ARID1A: variants seen among roughly 807,000 people sequenced by gnomAD.
ARID1A encodes the protein AT-rich interactive domain-containing protein 1A.
A neutral mutation model predicts 212.6 loss-of-function variants in ARID1A; 20 were observed. That is an observed-to-expected ratio of 0.09 (90% CI 0.07 to 0.14). The LOEUF (loss-of-function observed/expected upper bound fraction) is 0.14, where lower values mean the gene tolerates loss of function less well. Among genes scored for constraint, ARID1A ranks in the 10% least tolerant of loss-of-function variants. The probability of loss-of-function intolerance (pLI) is 1.00; values close to 1 mark genes in which losing one functional copy is unlikely to be tolerated. For synonymous variants in ARID1A, 1,376 were observed against 1,222.1 expected, an observed-to-expected ratio of 1.13 and a Z score of -2.63; for missense variants, 2,587 against 3,059.0, an observed-to-expected ratio of 0.85 and a Z score of 3.64.
rs1306047823 is a variant in ARID1A at position 26,767,801 on chromosome 1, T to C, written c.3000T>C (p.Ser1000=). ...KTESKSKKSS[S]STTTNEKITK... ...CCTGAACCTTCCAGAAATCCAGTTC[T>C]TCTACTACAACCAATGAGAAGATCA... Residue 1000 remains serine (S), a synonymous_variant, in exon 11 of 20, where the codon TCT becomes TCC. Coordinates refer to ENST00000324856, the MANE Select transcript of ARID1A (RefSeq NM_006015.6). The C allele has an allele frequency of 6.2e-7, 1 of 1,613,552 alleles. No homozygotes were observed. Among genetic ancestry groups the C allele is most frequent in the Admixed American group, 1.7e-5 (1 of 59,966 alleles).
intron 19 of ARID1A, chr1:26,776,081 T>C (rs1256921301): frequency 2.8e-6 from 1 of 363,516 alleles, no homozygotes; most frequent in Admixed American, 3.7e-5. Flanking sequence ...ACTCCTGAGT[T>C]CAAGTGATCC....
At chr1:26,770,855 T>C (rs2081077400) in intron 11 of ARID1A, 3 of 458,924 alleles carry the variant, frequency 6.5e-6, no homozygotes, top group Non-Finnish European at 1.2e-5. Context: ...CTCTGAATTC[T>C]GTTCCAGTAG....
chr1:26,744,510 C>A (rs1201229631), intron 4 of ARID1A, among the ~76,000 whole-genome samples: 1 of 152,154 alleles, frequency 6.6e-6, no homozygotes, highest in East Asian at 1.9e-4. Context: ...TTGAATTTTA[C>A]CTTGTTTTTC....
chr1:26,750,347 A>G (rs1044011102), intron 4 of ARID1A, among the ~76,000 whole-genome samples: 1 of 152,166 alleles, frequency 6.6e-6, no homozygotes, highest in African/African-American at 2.4e-5. Flanking sequence ...TGTTGTACCT[A>G]TAATGCCAAT....
intron 4 of ARID1A, among the ~76,000 whole-genome samples, chr1:26,758,448 G>A (rs550863841): frequency 3.3e-5 from 5 of 151,920 alleles, no homozygotes; most frequent in Non-Finnish European, 5.9e-5. Flanking sequence ...ACATGGTGGC[G>A]CCTGCCTGTA....
rs1057522508 is a variant in ARID1A at position 26,772,992 on chromosome 1, C to G, written c.3715+5C>G. On this transcript the variant is annotated splice_donor_5th_base_variant and intron_variant, in intron 14 of 19. Coordinates refer to ENST00000324856, the MANE Select transcript of ARID1A (RefSeq NM_006015.6). ...CTTATGGCAGCATGAGGAAAGGTGA[C>G]TGATCTGATTGCTATTTGAACTTGT... 6.2e-7 allele frequency: 1 copy of G among 1,603,844 alleles called. No individual in the cohort carries two copies. The highest frequency in any genetic ancestry group is 2.2e-5 in the East Asian group (1 of 44,632).
At chr1:26,730,523 C>T (rs565721666) in intron 2 of ARID1A, among the ~76,000 whole-genome samples, 11 of 152,092 alleles carry the variant, frequency 7.2e-5, no homozygotes, top group Non-Finnish European at 1.3e-4. Flanking sequence ...AAGCAAAGTA[C>T]GCCTTTAATA....
intron 2 of ARID1A, among the ~76,000 whole-genome samples, chr1:26,730,465 C>A (rs2080663751): frequency 6.6e-6 from 1 of 152,120 alleles, no homozygotes; most frequent in African/African-American, 2.4e-5. Context: ...GATACTCATA[C>A]TGAAAATAGG....
chr1:26,735,666 CTT>C (rs1156730989), intron 4 of ARID1A, among the ~76,000 whole-genome samples: 1 of 152,194 alleles, frequency 6.6e-6, no homozygotes, highest in Non-Finnish European at 1.5e-5. Context: ...TCCCCTGTGT[CTT>C]TCTCATTCAG....
intron 1 of ARID1A, among the ~76,000 whole-genome samples, chr1:26,720,552 A>C (rs1349531345): frequency 6.6e-6 from 1 of 152,018 alleles, no homozygotes; most frequent in Non-Finnish European, 1.5e-5. Context: ...AAATGCTCCC[A>C]GACTGGATAC....
At chr1:26,740,059 G>T (rs972540999) in intron 4 of ARID1A, among the ~76,000 whole-genome samples, 8 of 151,884 alleles carry the variant, frequency 5.3e-5, no homozygotes, top group Non-Finnish European at 1.2e-4. Flanking sequence ...GCTACGTGTT[G>T]TCTGTAGATT....
In ARID1A at chr1:26,696,763, GC is replaced by G; in HGVS notation, c.363del (p.Gly122AlafsTer110). The part of the protein sequence containing the change: ...PALNNNLTEP[P>X]GGGGGGSSDG... ...CCCTGAACAATAACCTCACGGAGCC[GC>G]CCGGCGGCGGCGGTGGCGGCAGCAG... On this transcript the variant is annotated frameshift_variant, in exon 1 of 20. Transcript: ENST00000324856. LOFTEE classifies it high-confidence loss of function. 1 of 1,348,408 alleles carries G rather than the reference GC, an allele frequency of 7.4e-7. No homozygotes were observed. Among genetic ancestry groups the G allele is most frequent in the Non-Finnish European group, 9.5e-7 (1 of 1,054,330 alleles). 83.5% of individuals were successfully genotyped at this position (1,348,408 alleles called of 1,614,324 possible).
intron 4 of ARID1A, among the ~76,000 whole-genome samples, chr1:26,752,633 T>G (rs1442236898): frequency 1.3e-5 from 2 of 152,262 alleles, no homozygotes; most frequent in Non-Finnish European, 2.9e-5. Flanking sequence ...CCTTTTCCTT[T>G]TCTTCATGGG....
In ARID1A at chr1:26,773,653, C is replaced by G. The variant is rs770085723; in HGVS notation, c.3940C>G (p.Pro1314Ala). Residue 1314 changes from proline (P) to alanine (A), a missense_variant, in exon 16 of 20, where the codon CCA becomes GCA. Physicochemically the swap from Pro to Ala is conservative, Grantham distance 27. Around this residue, in one of 11 missense-constraint regions of ARID1A, gnomAD observed 890 missense variants for 1,098.2 expected, o/e 0.81. Coordinates refer to ENST00000324856, the MANE Select transcript of ARID1A (RefSeq NM_006015.6). ...APQPNLMPSN[P>A]DSGMYSPSRY... ...ACAGCCGAATCTCATGCCTTCCAAC[C>G]CAGACTCGGGGATGTATTCTCCTAG... The G allele has an allele frequency of 1.9e-6, 3 of 1,614,172 alleles. No homozygotes were observed. Among genetic ancestry groups the G allele is most frequent in the Non-Finnish European group, 2.5e-6 (3 of 1,180,030 alleles).
chr1:26,747,756 A>C (rs2080851378), intron 4 of ARID1A, among the ~76,000 whole-genome samples: 1 of 151,880 alleles, frequency 6.6e-6, no homozygotes, highest in East Asian at 1.9e-4. Context: ...AGGCTGAGGC[A>C]GGAGGATCGC....
Position 26,740,928 on chromosome 1 carries a change from A to G in ARID1A, c.1920+8136A>G, listed in dbSNP as rs1209090288. Among the ~76,000 whole-genome samples, 26 of 152,084 alleles carry G rather than the reference A, an allele frequency of 1.7e-4. 1 individual carries two copies. Among genetic ancestry groups the G allele is most frequent in the Non-Finnish European group, 1.5e-5 (1 of 68,024 alleles). On this transcript the variant is annotated intron_variant, in intron 4 of 19. Coordinates refer to ENST00000324856, the MANE Select transcript of ARID1A (RefSeq NM_006015.6). ...TTTTGATTGACTGGTGGGCAGGGGG[A>G]GTCTCATTTTTGAGGAAAAGTTAAA...
chr1:26,712,268 T>C (rs1481535832), intron 1 of ARID1A, among the ~76,000 whole-genome samples: 1 of 152,206 alleles, frequency 6.6e-6, no homozygotes, highest in Non-Finnish European at 1.5e-5. Flanking sequence ...TTGGGTGATT[T>C]GGTGTTCTCA....
chr1:26,733,429 C>A (rs986386587), intron 4 of ARID1A, among the ~76,000 whole-genome samples: 12 of 152,260 alleles, frequency 7.9e-5, no homozygotes, highest in Admixed American at 7.2e-4. Context: ...GCCACCAACT[C>A]TGTTTCATAG....
chr1:26,763,457 C>T (rs1365795058), intron 8 of ARID1A, among the ~76,000 whole-genome samples, 172 bp downstream of exon 8: 1 of 152,176 alleles, frequency 6.6e-6, no homozygotes. Context: ...GACTAAACAT[C>T]ATATGTAATG....
Sources: gnomAD v4.1 joint callset for allele counts (sites outside exome capture counted in the v4.1 genomes callset) on GRCh38, gnomAD v4.1.1 for gene constraint, gnomAD v4.1.1 regional missense constraint, MANE v1.5 for transcripts, NCBI Gene and HGNC (gene_info 2026-07-23, HGNC 2026-07-21) for gene names.